Variants in ETV5 observed in about 807,000 individuals in gnomAD.
The protein encoded by ETV5 is ETS translocation variant 5.
Under a neutral mutation model 70.0 loss-of-function variants are expected in ETV5, and 10 were observed. The observed-to-expected ratio is 0.14, with a 90% CI of 0.09 to 0.24. The LOEUF (loss-of-function observed/expected upper bound fraction) is 0.24. Among genes scored for constraint, ETV5 ranks in the 10% least tolerant of loss-of-function variants. The pLI is 1.00. For missense variants in ETV5, 453 were observed against 651.2 expected, an observed-to-expected ratio of 0.70 and a Z score of 3.31; for synonymous variants, 216 against 242.2, an observed-to-expected ratio of 0.89 and a Z score of 1.01.
intron 7 of ETV5, among the ~76,000 whole-genome samples, chr3:186,072,426 G>A (rs777914962): frequency 2.0e-5 from 3 of 151,920 alleles, no homozygotes; most frequent in Non-Finnish European, 2.9e-5. Context: ...TTAAGGAACT[G>A]GAAGACTATG....
chr3:186,095,329 AT>A (rs1038082813), intron 5 of ETV5: 3 of 152,202 alleles, frequency 2.0e-5, no homozygotes, highest in Non-Finnish European at 4.4e-5. Flanking sequence ...AGGAAAAAAA[AT>A]TGCAAAACTA....
intron 5 of ETV5, among the ~76,000 whole-genome samples, chr3:186,091,561 A>G (rs924890960): frequency 6.6e-6 from 1 of 152,164 alleles, no homozygotes; most frequent in Non-Finnish European, 1.5e-5. Context: ...AGTTCCTGGA[A>G]CACTTGGCTT....
At chr3:186,104,446 C>T (rs575628717) in intron 5 of ETV5, among the ~76,000 whole-genome samples, 3 of 152,060 alleles carry the variant, frequency 2.0e-5, no homozygotes, top group Non-Finnish European at 2.9e-5. Flanking sequence ...AGCAACTACA[C>T]GAAAAGTAAG....
At chr3:186,082,028 A>G (rs969494506) in intron 5 of ETV5, among the ~76,000 whole-genome samples, 1 of 152,270 alleles carries the variant, frequency 6.6e-6, no homozygotes, top group Non-Finnish European at 1.5e-5. Flanking sequence ...GAATTTTTCA[A>G]ATCAAGGTGA....
intron 1 of ETV5, chr3:186,108,481 G>T: frequency 5.5e-6 from 7 of 1,276,516 alleles, no homozygotes; most frequent in Non-Finnish European, 7.2e-6. Context: ...CCCTCCCGGT[G>T]CTCTGGGGGG....
chr3:186,082,171 G>A (rs1713947878), intron 5 of ETV5, among the ~76,000 whole-genome samples: 1 of 152,192 alleles, frequency 6.6e-6, no homozygotes, highest in Non-Finnish European at 1.5e-5. Flanking sequence ...CGCTATAAGG[G>A]CTGCCTTCTA....
intron 5 of ETV5, among the ~76,000 whole-genome samples, chr3:186,093,917 G>C (rs1714245006): frequency 3.3e-5 from 5 of 152,230 alleles, no homozygotes; most frequent in Non-Finnish European, 7.3e-5. Context: ...TCCAAAGGCT[G>C]AGAAGGCCCA....
At chr3:186,053,078 AAAAC>A (rs1048464000) in intron 11 of ETV5, among the ~76,000 whole-genome samples, 3 of 152,200 alleles carry the variant, frequency 2.0e-5, no homozygotes, top group Admixed American at 1.3e-4. Flanking sequence ...TTAAAAAAAA[AAAAC>A]AAACTATATT....
chr3:186,069,501 GTTT>G (rs370864275), intron 7 of ETV5, among the ~76,000 whole-genome samples: 167 of 129,434 alleles, frequency 1.3e-3, no homozygotes, highest in African/African-American at 4.0e-3. Flanking sequence ...AGACGAAGTT[GTTT>G]TTTTTTTTTT....
chr3:186,048,763 T>G lies in ETV5; in HGVS notation c.1409A>C (p.Glu470Ala). The change falls in exon 13 of 13, where the codon GAG becomes GCG. Residue 470 changes from glutamate (E) to alanine (A), a missense_variant. Glu to Ala is a moderately radical substitution (Grantham distance 107). This residue lies in a region of ETV5 where 74 missense variants were observed against 95.2 expected (regional missense o/e 0.78). Transcript: ENST00000306376. ...CTCCTCGCTGAGGTGGCACTCGGAC[T>G]CTGCCTTCAGGAACGGACGCTGGTT... ...PDNQRPFLKA[E>A]SECHLSEEDT... The G allele has an allele frequency of 6.2e-7, 1 of 1,614,170 alleles. No homozygotes were observed. Among genetic ancestry groups the G allele is most frequent in the Non-Finnish European group, 8.5e-7 (1 of 1,180,028 alleles).
intron 7 of ETV5, among the ~76,000 whole-genome samples, chr3:186,071,270 G>A (rs187990974): frequency 5.3e-5 from 8 of 152,208 alleles, no homozygotes; most frequent in South Asian, 2.1e-4. Flanking sequence ...AGCAGTGGCC[G>A]TTTAAAGGCC....
rs1713234652 is a variant in ETV5 at position 186,058,944 on chromosome 3, C to T, written c.971-1453G>A. Among the ~76,000 whole-genome samples, 5 of 149,018 alleles carry T rather than the reference C, an allele frequency of 3.4e-5. No homozygotes were observed. In the Middle Eastern group the frequency reaches 0.01, roughly 306 times the overall value. On this transcript the variant is annotated intron_variant, in intron 9 of 12. Transcript: ENST00000306376. ...AGGAGAATTGCTTGAATCCAGGAGG[C>T]GGAGGTTACAGTGGGTGGAGATCAC... is the stretch of plus-strand genomic sequence containing the variant.
chr3:186,108,484 CT>C (rs1329515489), intron 1 of ETV5: 2 of 1,281,726 alleles, frequency 1.6e-6, no homozygotes, highest in Admixed American at 4.6e-5. Context: ...TCCCGGTGCT[CT>C]GGGGGGCAGC....
rs2150142352 is a variant in ETV5, at chr3:186,057,221, T to G, written c.1063A>C (p.Met355Leu). The G allele has an allele frequency of 6.2e-7, 1 of 1,614,098 alleles. No homozygotes were observed. The highest frequency in any genetic ancestry group is 1.3e-5 in the African/African-American group (1 of 75,026). The change falls in exon 11 of 13, where the codon ATG becomes CTG. Residue 355 changes from methionine (M) to leucine (L), a missense_variant. By Grantham distance (15) the Met-to-Leu change is conservative. Coordinates refer to ENST00000306376, the MANE Select transcript of ETV5 (RefSeq NM_004454.3). The surrounding 1 kb of genome is among the most constrained non-coding windows in gnomAD (Gnocchi z 4.9). ...LEGKVKQEPT[M>L]YREGPPYQRR... The stretch of plus-strand genomic sequence containing the variant: ...TGGTAAGGGGGCCCCTCTCGATACA[T>G]GGTAGGCTCCTGTTTGACTTTGCCT...
chr3:186,056,877 C>G (rs939873250), intron 11 of ETV5, among the ~76,000 whole-genome samples, 198 bp downstream of exon 11: 1 of 152,196 alleles, frequency 6.6e-6, no homozygotes, highest in African/African-American at 2.4e-5. Flanking sequence ...GTATTCTACA[C>G]TGGAGAACTC....
At chr3:186,060,634 T>C (rs1417633541) in intron 9 of ETV5, among the ~76,000 whole-genome samples, 1 of 152,190 alleles carries the variant, frequency 6.6e-6, no homozygotes, top group Non-Finnish European at 1.5e-5. Context: ...TGGTCAAGCC[T>C]GTATAAGGAT....
chr3:186,107,663 C>T (rs1194617458), intron 1 of ETV5, among the ~76,000 whole-genome samples: 3 of 152,142 alleles, frequency 2.0e-5, no homozygotes, highest in African/African-American at 7.2e-5. Context: ...TTCCTTTGCC[C>T]CCCCACCACC....
chr3:186,099,918 A>G (rs180947896), intron 5 of ETV5, among the ~76,000 whole-genome samples: 127 of 152,378 alleles, frequency 8.3e-4, no homozygotes, highest in Middle Eastern at 3.4e-3. Flanking sequence ...GATGACTAAC[A>G]GCGCAGAGAC....
Position 186,103,182 on chromosome 3 carries a change from T to C in ETV5, c.232+2123A>G, listed in dbSNP as rs1456615431. ...AGTAAGCAAAGTAAAAAAAACATCA[T>C]ACTTGGTAAGCAGAAACATCTCCCA... On this transcript the variant is annotated intron_variant, in intron 5 of 12. Transcript: ENST00000306376. Among the ~76,000 whole-genome samples the C allele has an allele frequency of 5.3e-5, 8 of 152,152 alleles. No individual in the cohort carries two copies. The East Asian group carries it at 1.5e-3, about 29-fold the overall frequency.
Sources: gnomAD v4.1 joint callset for allele counts (sites outside exome capture counted in the v4.1 genomes callset) on GRCh38, gnomAD v4.1.1 for gene constraint, gnomAD v4.1.1 regional missense constraint, Gnocchi (gnomAD v3.1) non-coding constraint, MANE v1.5 for transcripts, NCBI Gene and HGNC (gene_info 2026-07-23, HGNC 2026-07-21) for gene names.